Variants in PCDHGA9 observed in about 807,000 individuals in gnomAD.
The protein encoded by PCDHGA9 is protocadherin gamma-A9.
PCDHGA9 carries 37 observed loss-of-function variants against 62.5 expected under a neutral mutation model. That is an observed-to-expected ratio of 0.59 (90% CI 0.46 to 0.78). The LOEUF is 0.78. Ranked by LOEUF, PCDHGA9 falls within the 30% of genes least tolerant of loss-of-function variation. PCDHGA9 has a pLI of 0.00. For missense variants in PCDHGA9, 1,138 were observed against 1,166.2 expected, an observed-to-expected ratio of 0.98 and a Z score of 0.35; for synonymous variants, 459 against 484.6, an observed-to-expected ratio of 0.95 and a Z score of 0.69.
chr5:141,450,565 C>A (rs1024229182), intron 1 of PCDHGA9, among the ~76,000 whole-genome samples: 4 of 152,016 alleles, frequency 2.6e-5, no homozygotes, highest in African/African-American at 9.7e-5. Flanking sequence ...CGGCTCACTG[C>A]AACTTCTGCC....
chr5:141,421,863 C>T (rs767555107), intron 1 of PCDHGA9: 1 of 1,613,746 alleles, frequency 6.2e-7, no homozygotes, highest in Non-Finnish European at 8.5e-7. Flanking sequence ...ACCTGCTCCT[C>T]CTCACAGCTT....
At chr5:141,447,238 C>G (rs1028683423) in intron 1 of PCDHGA9, among the ~76,000 whole-genome samples, 2 of 152,148 alleles carry the variant, frequency 1.3e-5, no homozygotes, top group Non-Finnish European at 2.9e-5. Context: ...CTCCCGGGTT[C>G]AAGTGATTCT....
chr5:141,452,252 C>T (rs868364679), intron 1 of PCDHGA9, among the ~76,000 whole-genome samples: 2 of 152,106 alleles, frequency 1.3e-5, no homozygotes, highest in Non-Finnish European at 2.9e-5. Context: ...TTTGCCATAA[C>T]TCTCTCATTT....
In PCDHGA9 at chr5:141,487,822, G is replaced by T. The variant is rs1406642768; in HGVS notation, c.2425-6985G>T. ...TGTCACAGTTTAGCATTGGGGGCGG[G>T]TCATGCCTATATCTGAGTAAGAAAT... On this transcript the variant is annotated intron_variant, in intron 1 of 3. Coordinates refer to ENST00000573521, the MANE Select transcript of PCDHGA9 (RefSeq NM_018921.3). This position sits in a 1 kb window ranked among gnomAD's most constrained non-coding sequence, Gnocchi z 5.0. The T allele has an allele frequency of 3.1e-6, 4 of 1,278,640 alleles. No homozygotes were observed. The East Asian group carries it at 7.6e-5, about 24-fold the overall frequency. 79.2% of individuals were successfully genotyped at this position (1,278,640 alleles called of 1,614,324 possible). A position where few individuals can be genotyped will look rare whatever the true frequency, so the allele number is the denominator to read the frequency against.
chr5:141,431,022 G>A lies in PCDHGA9; in HGVS notation c.2424+25646G>A. ...CGCAGCGGCAGCTTGGTCACGGCGG[G>A]CAGGATAGACCGGGAGGAGCTCTGT... On this transcript the variant is annotated intron_variant, in intron 1 of 3. Transcript: ENST00000573521. This position sits in a 1 kb window ranked among gnomAD's most constrained non-coding sequence, Gnocchi z 4.8. 1 of 1,614,078 alleles carries A rather than the reference G, an allele frequency of 6.2e-7. No individual in the cohort carries two copies. Among genetic ancestry groups the A allele is most frequent in the African/African-American group, 1.3e-5 (1 of 75,074 alleles).
intron 1 of PCDHGA9, chr5:141,408,050 G>A: frequency 1.6e-6 from 2 of 1,259,544 alleles, no homozygotes; most frequent in Middle Eastern, 2.8e-4. Flanking sequence ...CCCACACAGA[G>A]CCTCCCGGCT....
rs539348000 is a variant in PCDHGA9 at position 141,504,908 on chromosome 5, G to A, written c.2484-485G>A. 5.9e-5 allele frequency among the ~76,000 whole-genome samples: 9 copies of A among 152,208 alleles called. No homozygotes were observed. In the East Asian group the frequency reaches 1.7e-3, roughly 29 times the overall value. On this transcript the variant is annotated intron_variant, in intron 2 of 3. Coordinates refer to ENST00000573521, the MANE Select transcript of PCDHGA9 (RefSeq NM_018921.3). Reference sequence around the variant, plus strand: ...AGGTCTGATCTCCCTCACTATGACAGGAAGCCAGGCTCTCTCATGGTGGGT... The same window carrying A: ...AGGTCTGATCTCCCTCACTATGACAAGAAGCCAGGCTCTCTCATGGTGGGT...
intron 1 of PCDHGA9, chr5:141,418,613 C>T (rs759701663): frequency 9.9e-6 from 16 of 1,613,892 alleles, no homozygotes; most frequent in Non-Finnish European, 1.4e-5. Context: ...GGTTAGCCTT[C>T]GGGAAGACGT....
At chr5:141,445,844 A>T (rs979756627) in intron 1 of PCDHGA9, among the ~76,000 whole-genome samples, 3 of 152,216 alleles carry the variant, frequency 2.0e-5, no homozygotes, top group Admixed American at 1.3e-4. Context: ...TGTAAATCAC[A>T]CTTAAAATTC....
intron 1 of PCDHGA9, chr5:141,414,478 C>T (rs977591382): frequency 5.6e-6 from 9 of 1,613,884 alleles, no homozygotes; most frequent in Non-Finnish European, 3.4e-6. Flanking sequence ...GGGAAGTCCT[C>T]CTCTATCAAC....
chr5:141,481,780 C>T (rs781334437), intron 1 of PCDHGA9, among the ~76,000 whole-genome samples: 3 of 152,016 alleles, frequency 2.0e-5, no homozygotes, highest in African/African-American at 7.2e-5. Flanking sequence ...GGTGAAACCC[C>T]GTCTCTACTA....
chr5:141,505,335 A>G, intron 2 of PCDHGA9, 58 bp from the exon 3 acceptor site: 1 of 1,611,086 alleles, frequency 6.2e-7, no homozygotes, highest in Non-Finnish European at 8.5e-7. Flanking sequence ...AGAGGACAGG[A>G]GGGGCATGAG....
rs559433377 is a variant in PCDHGA9, at chr5:141,432,679, G to A, written c.2424+27303G>A. ...TGCTGGACAGAGACGCGCTCAAGCAGAGCCTCGTAGTGGCCGTCCAGGACC... is the reference window on the plus strand; with the variant it reads ...TGCTGGACAGAGACGCGCTCAAGCAAAGCCTCGTAGTGGCCGTCCAGGACC... On this transcript the variant is annotated intron_variant, in intron 1 of 3. Transcript: ENST00000573521. The surrounding 1 kb of genome is among the most constrained non-coding windows in gnomAD (Gnocchi z 6.0). The A allele has an allele frequency of 2.3e-4, 369 of 1,613,834 alleles. 1 individual carries two copies. The highest frequency in any genetic ancestry group is 1.7e-4 in the Middle Eastern group (1 of 6,056).
chr5:141,423,438 C>T lies in PCDHGA9; in HGVS notation c.2424+18062C>T, dbSNP rs2096741369. 5 of 1,613,942 alleles carry T rather than the reference C, an allele frequency of 3.1e-6. No homozygotes were observed. In the East Asian group the frequency reaches 8.9e-5, roughly 29 times the overall value. On this transcript the variant is annotated intron_variant, in intron 1 of 3. Transcript: ENST00000573521. Reference sequence around the variant, plus strand: ...CTGAAGGCGGGTTGGCAGGTATGCCCACGTCACATTTTGTAGGCGTGGACG... The same window carrying T: ...CTGAAGGCGGGTTGGCAGGTATGCCTACGTCACATTTTGTAGGCGTGGACG...
At chr5:141,466,993 T>G (rs2099133598) in intron 1 of PCDHGA9, among the ~76,000 whole-genome samples, 1 of 152,148 alleles carries the variant, frequency 6.6e-6, no homozygotes, top group African/African-American at 2.4e-5. Context: ...CCTTTTGGCA[T>G]TTTTTTGCAA....
chr5:141,422,166 T>G (rs370704205), intron 1 of PCDHGA9: 30 of 1,569,256 alleles, frequency 1.9e-5, no homozygotes, highest in Non-Finnish European at 2.5e-5. Flanking sequence ...TTGAAAAATA[T>G]AGATTCTATG....
chr5:141,419,831 G>A, intron 1 of PCDHGA9: 5 of 1,614,048 alleles, frequency 3.1e-6, no homozygotes, highest in Non-Finnish European at 4.2e-6. Context: ...TTCAGCCACT[G>A]CCACGCTGCA....
In PCDHGA9 at chr5:141,490,861, T is replaced by C. The variant is rs1465042036; in HGVS notation, c.2425-3946T>C. The C allele has an allele frequency of 1.2e-6, 2 of 1,613,816 alleles. No individual in the cohort carries two copies. Among genetic ancestry groups the C allele is most frequent in the Non-Finnish European group, 1.7e-6 (2 of 1,179,920 alleles). On this transcript the variant is annotated intron_variant, in intron 1 of 3. Coordinates refer to ENST00000573521, the MANE Select transcript of PCDHGA9 (RefSeq NM_018921.3). The surrounding 1 kb of genome is among the most constrained non-coding windows in gnomAD (Gnocchi z 5.4). Reference sequence around the variant, plus strand: ...TGTGGTGGGGGTTCGAGACTCCGGCTCTCCCCCATTGCATGCCAACACATC... The same window carrying C: ...TGTGGTGGGGGTTCGAGACTCCGGCCCTCCCCCATTGCATGCCAACACATC...
At chr5:141,409,137 T>G (rs748502213) in intron 1 of PCDHGA9, 1 of 1,613,936 alleles carries the variant, frequency 6.2e-7, no homozygotes, top group Non-Finnish European at 8.5e-7. Flanking sequence ...TTTGAAGATG[T>G]AGAAAGGTAC....
Sources: gnomAD v4.1 joint callset for allele counts (sites outside exome capture counted in the v4.1 genomes callset) on GRCh38, gnomAD v4.1.1 for gene constraint, Gnocchi (gnomAD v3.1) non-coding constraint, MANE v1.5 for transcripts, NCBI Gene and HGNC (gene_info 2026-07-23, HGNC 2026-07-21) for gene names.